Variants in FRMPD3 observed in about 807,000 individuals in gnomAD.
FRMPD3 encodes FERM and PDZ domain containing 3.
Under a neutral mutation model 97.9 loss-of-function variants are expected in FRMPD3, and 42 were observed. That is an observed-to-expected ratio of 0.43 (90% CI 0.34 to 0.55). FRMPD3 has a LOEUF of 0.55. FRMPD3 is among the 20% of genes least tolerant of loss of function. FRMPD3 has a pLI of 0.03. For missense variants in FRMPD3, 1,303 were observed against 1,457.7 expected, an observed-to-expected ratio of 0.89 and a Z score of 1.73; for synonymous variants, 577 against 581.1, an observed-to-expected ratio of 0.99 and a Z score of 0.10.
At chrX:107,456,046 A>G (rs1931371650) in intron 1 of FRMPD3, among the ~76,000 whole-genome samples, 2 of 110,705 alleles carry the variant, frequency 1.8e-5, no homozygotes, top group Non-Finnish European at 3.8e-5. Context: ...TAGAGTGGGT[A>G]TAGTGGATGA....
chrX:107,526,693 G>A lies in FRMPD3; in HGVS notation c.105G>A (p.Val35=). ...ACCCTATATATGGCTTTGGCTTCGT[G>A]GCTGGCAGTGAGAGGCCTGTGGTGG... ...HRDPIYGFGF[V]AGSERPVVVR... The change falls in exon 2 of 15, where the codon GTG becomes GTA. Residue 35 remains valine (V), a synonymous_variant. Transcript: ENST00000683843. 1 of 1,206,186 alleles carries A rather than the reference G, an allele frequency of 8.3e-7. No homozygotes were observed. The highest frequency in any genetic ancestry group is 1.1e-6 in the Non-Finnish European group (1 of 893,442).
intron 4 of FRMPD3, among the ~76,000 whole-genome samples, chrX:107,534,818 C>T (rs771405189): frequency 8.9e-6 from 1 of 112,258 alleles, no homozygotes; most frequent in Non-Finnish European, 1.9e-5. Flanking sequence ...CATACCCATA[C>T]ATATACACAC....
intron 1 of FRMPD3, among the ~76,000 whole-genome samples, chrX:107,450,562 C>CCA (rs561898459): frequency 0.14 from 12,040 of 83,977 alleles, 968 homozygotes; most frequent in African/African-American, 0.24. Flanking sequence ...CATGCAAAGA[C>CCA]CACACACACA....
intron 4 of FRMPD3, among the ~76,000 whole-genome samples, chrX:107,541,144 G>A (rs1242465743): frequency 8.8e-6 from 1 of 113,334 alleles, no homozygotes; most frequent in Non-Finnish European, 1.9e-5. Context: ...GGCCCCTGAA[G>A]TGTATTATGC....
Position 107,565,017 on chromosome X carries a change from G to A in FRMPD3, c.1247G>A (p.Arg416Gln), listed in dbSNP as rs759785446. 12 of 1,201,972 alleles carry A rather than the reference G, an allele frequency of 1.0e-5. No individual in the cohort carries two copies. The highest frequency in any genetic ancestry group is 1.8e-5 in the South Asian group (1 of 55,124). ...FSKISKIQLFRENQGVARVET... is the reference protein window; with the variant it reads ...FSKISKIQLFQENQGVARVET... The stretch of plus-strand genomic sequence containing the variant: ...AAGATCAGCAAGATCCAGCTGTTCC[G>A]GGAGAACCAGGGCGTGGCCCGGGTG... The change falls in exon 12 of 15, where the codon CGG becomes CAG. Residue 416 changes from arginine to glutamine, a missense_variant. By Grantham distance (43) the Arg-to-Gln change is conservative (BLOSUM62 1). Around this residue, in one of 3 missense-constraint regions of FRMPD3, gnomAD observed 535 missense variants for 618.6 expected, o/e 0.86. Transcript: ENST00000683843.
At chrX:107,530,593 C>G (rs982230950) in intron 3 of FRMPD3, 82 bp downstream of exon 3, 13 of 694,525 alleles carry the variant, frequency 1.9e-5, no homozygotes, top group East Asian at 3.5e-5. Flanking sequence ...CTATCCCCCC[C>G]TCGCTCTGAG....
intron 12 of FRMPD3, among the ~76,000 whole-genome samples, chrX:107,573,549 A>G (rs919556429): frequency 1.8e-5 from 2 of 111,251 alleles, no homozygotes; most frequent in Non-Finnish European, 3.8e-5. Flanking sequence ...AGTCCCTTCT[A>G]CCCCTTCCTA....
chrX:107,497,666 T>C (rs751763658), intron 1 of FRMPD3, among the ~76,000 whole-genome samples: 20 of 112,422 alleles, frequency 1.8e-4, no homozygotes, highest in African/African-American at 6.5e-4. Flanking sequence ...CTAGTTTGCA[T>C]AGGCTTATTA....
At chrX:107,456,055 G>A (rs1292519366) in intron 1 of FRMPD3, among the ~76,000 whole-genome samples, 1 of 110,319 alleles carries the variant, frequency 9.1e-6, no homozygotes, top group Non-Finnish European at 1.9e-5. Context: ...TATAGTGGAT[G>A]ACTATTATTA....
intron 1 of FRMPD3, chrX:107,525,729 T>C (rs774313298): frequency 1.7e-5 from 9 of 540,124 alleles, no homozygotes; most frequent in Non-Finnish European, 2.3e-5. Flanking sequence ...TTATATATGC[T>C]ACTTAAATCA....
intron 8 of FRMPD3, among the ~76,000 whole-genome samples, chrX:107,560,054 A>G (rs895641972): frequency 9.4e-6 from 1 of 106,138 alleles, no homozygotes; most frequent in Admixed American, 1.1e-4. Flanking sequence ...GCTATCTAGT[A>G]TCTGCTGAAT....
At chrX:107,496,170 T>C (rs1355166198) in intron 1 of FRMPD3, among the ~76,000 whole-genome samples, 1 of 112,321 alleles carries the variant, frequency 8.9e-6, no homozygotes, top group Non-Finnish European at 1.9e-5. Context: ...GTCATCATTA[T>C]TGTGGGTTAT....
chrX:107,598,128 C>T lies in FRMPD3; in HGVS notation c.2249C>T (p.Pro750Leu). Residue 750 changes from proline (P) to leucine (L), a missense_variant, in exon 14 of 15, where the codon CCC becomes CTC. Pro to Leu is a moderately conservative substitution (Grantham distance 98). This residue lies in a region of FRMPD3 where 535 missense variants were observed against 618.6 expected (regional missense o/e 0.86). Transcript: ENST00000683843. ...TCCGAGGATGGACCACACCCACCAC[C>T]CCCACAGACTGCAGGTAATGACCGA... ...AASEDGPHPP[P>L]PQTAGLIVLA... 2 of 1,203,346 alleles carry T rather than the reference C, an allele frequency of 1.7e-6. No individual in the cohort carries two copies. The highest frequency in any genetic ancestry group is 2.2e-6 in the Non-Finnish European group (2 of 889,673).
intron 12 of FRMPD3, among the ~76,000 whole-genome samples, chrX:107,567,914 T>C (rs779380047): frequency 9.0e-6 from 1 of 110,734 alleles, no homozygotes; most frequent in East Asian, 2.8e-4. Flanking sequence ...GGGACAGCAG[T>C]GGTAATGAGA....
chrX:107,557,948 G>A (rs754532651), intron 8 of FRMPD3, among the ~76,000 whole-genome samples: 102 of 103,328 alleles, frequency 9.9e-4, no homozygotes, highest in African/African-American at 3.4e-3. Context: ...TTGAAATCAG[G>A]AAGTATTTGT....
intron 4 of FRMPD3, among the ~76,000 whole-genome samples, chrX:107,538,785 G>A (rs1602788774): frequency 9.0e-6 from 1 of 111,663 alleles, no homozygotes; most frequent in South Asian, 3.7e-4. Flanking sequence ...CTCAGCCCCC[G>A]AGGAGCTGGA....
chrX:107,554,466 C>T lies in FRMPD3; in HGVS notation c.724C>T (p.Arg242Cys), dbSNP rs1373735369. Residue 242 changes from arginine (R) to cysteine (C), a missense_variant, in exon 8 of 15, where the codon CGT (arginine) becomes TGT (cysteine). Physicochemically the swap from Arg to Cys is radical, Grantham distance 180 (BLOSUM62 -3). Around this residue, in one of 3 missense-constraint regions of FRMPD3, gnomAD observed 535 missense variants for 618.6 expected, o/e 0.86. Coordinates refer to ENST00000683843, the MANE Select transcript of FRMPD3 (RefSeq NM_001388459.1). ...FFPKDPVELL[R>C]RDPAAFEYLY... ...TCCCAAAGACCCTGTGGAGCTGCTG[C>T]GTCGGGATCCTGCTGCTTTTGAGTA... 1.7e-6 allele frequency: 2 copies of T among 1,209,860 alleles called. No individual in the cohort carries two copies. The highest frequency in any genetic ancestry group is 2.2e-6 in the Non-Finnish European group (2 of 894,878).
intron 4 of FRMPD3, among the ~76,000 whole-genome samples, chrX:107,538,182 G>A (rs1002797642): frequency 3.6e-5 from 4 of 111,543 alleles, no homozygotes; most frequent in Non-Finnish European, 7.5e-5. Flanking sequence ...AGGATGAGTT[G>A]TTTTTACATT....
At chrX:107,498,784 G>T (rs776774255) in intron 1 of FRMPD3, among the ~76,000 whole-genome samples, 1 of 111,998 alleles carries the variant, frequency 8.9e-6, no homozygotes, top group South Asian at 3.8e-4. Flanking sequence ...AGGAGAAGGG[G>T]CATGCTGAAA....
Sources: gnomAD v4.1 joint callset for allele counts (sites outside exome capture counted in the v4.1 genomes callset) on GRCh38, gnomAD v4.1.1 for gene constraint, gnomAD v4.1.1 regional missense constraint, MANE v1.5 for transcripts, NCBI Gene and HGNC (gene_info 2026-07-23, HGNC 2026-07-21) for gene names.